Variants in RHOBTB2 observed in about 807,000 individuals in gnomAD.
RHOBTB2 encodes the protein Rho related BTB domain containing 2.
RHOBTB2 carries 39 observed loss-of-function variants against 66.5 expected under a neutral mutation model. The ratio of observed to expected loss-of-function variants is 0.59; its 90% CI spans 0.45 to 0.77. The LOEUF (loss-of-function observed/expected upper bound fraction) is 0.77, where lower values mean the gene tolerates loss of function less well. RHOBTB2 is among the 30% of genes least tolerant of loss of function. The probability of loss-of-function intolerance (pLI) is 0.00; values close to 1 mark genes in which losing one functional copy is unlikely to be tolerated. For synonymous variants in RHOBTB2, 390 were observed against 395.0 expected (o/e 0.99, Z 0.15); for missense variants, 755 against 999.1 (o/e 0.76, Z 3.29).
At chr8:22,975,800 CCTTCCCTCCCTCCT>C in the RHOBTB2 span, among the ~76,000 whole-genome samples, 1 of 152,016 alleles carries the variant, frequency 6.6e-6, no homozygotes, top group Admixed American at 6.6e-5. Context: ...CTGGGTGGCC[CCTTCCCTCCCTCCT>C]CTTCCCTCCC....
chr8:22,969,942 G>A, the RHOBTB2 span, among the ~76,000 whole-genome samples: 1 of 152,066 alleles, frequency 6.6e-6, no homozygotes, highest in African/African-American at 2.4e-5. Context: ...TGTAGAGATG[G>A]GGTTTCCACA....
chr8:23,008,054 C>G lies in RHOBTB2; in HGVS notation c.1563C>G (p.Ser521Arg). 6.2e-7 allele frequency: 1 copy of G among 1,613,664 alleles called. No individual in the cohort carries two copies. The highest frequency in any genetic ancestry group is 8.5e-7 in the Non-Finnish European group (1 of 1,179,898). The change falls in exon 6 of 10, where the codon AGC (serine) becomes AGG (arginine). Residue 521 changes from serine to arginine, a missense_variant. This residue lies in a region of RHOBTB2 where 353 missense variants were observed against 458.2 expected (regional missense o/e 0.77). Coordinates refer to ENST00000251822, the MANE Select transcript of RHOBTB2 (RefSeq NM_015178.3). ...CCCACAAGCCCCTGTTGATTTCCAG[C>G]TGTGACTGGATGGCTGCCATGTTTG... Reference protein sequence around the residue: ...ISAHKPLLISSCDWMAAMFGG... With the variant: ...ISAHKPLLISRCDWMAAMFGG...
At chr8:22,979,550 T>G in the RHOBTB2 span, among the ~76,000 whole-genome samples, 1 of 152,110 alleles carries the variant, frequency 6.6e-6, no homozygotes, top group Non-Finnish European at 1.5e-5. Context: ...ACATCCCCTC[T>G]TGGAGGACAG....
At position 23,005,985 on chromosome 8, in the gene RHOBTB2, T is replaced by C; in HGVS notation, c.322T>C (p.Ser108Pro). 4 of 1,613,424 alleles carry C rather than the reference T, an allele frequency of 2.5e-6. No homozygotes were observed. The highest frequency in any genetic ancestry group is 2.5e-6 in the Non-Finnish European group (3 of 1,179,430). The change falls in exon 4 of 10, where the codon TCC becomes CCC. Residue 108 changes from serine to proline, a missense_variant. By Grantham distance (74) the Ser-to-Pro change is moderately conservative. Around this residue, in one of 7 missense-constraint regions of RHOBTB2, gnomAD observed 65 missense variants for 152.4 expected, o/e 0.43. Coordinates refer to ENST00000251822, the MANE Select transcript of RHOBTB2 (RefSeq NM_015178.3). ...GRSDVVVLCF[S>P]IANPNSLHHV... The stretch of plus-strand genomic sequence containing the variant: ...ATCTGATGTGGTGGTTCTGTGCTTC[T>C]CCATTGCCAACCCCAATTCCCTCCA...
intron 9 of RHOBTB2, among the ~76,000 whole-genome samples, chr8:23,016,875 C>T (rs1054725658): frequency 6.6e-6 from 1 of 152,220 alleles, no homozygotes; most frequent in African/African-American, 2.4e-5. Flanking sequence ...CGTATTCCCC[C>T]TCGGAACCTT....
the RHOBTB2 span, among the ~76,000 whole-genome samples, chr8:22,954,837 A>G: frequency 2.0e-5 from 3 of 152,246 alleles, no homozygotes; most frequent in Admixed American, 2.0e-4. Flanking sequence ...TCTTTCGTCA[A>G]GATGCCCCAG....
Position 23,004,004 on chromosome 8 carries a change from G to A in RHOBTB2, c.-10-421G>A. The A allele has an allele frequency of 3.7e-6, 1 of 272,928 alleles. No homozygotes were observed. Among genetic ancestry groups the A allele is most frequent in the Non-Finnish European group, 7.2e-6 (1 of 138,306 alleles). The allele number at this position is 272,928 out of a possible 1,614,324, so 16.9% of individuals were successfully genotyped here. A position where few individuals can be genotyped will look rare whatever the true frequency, so the allele number is the denominator to read the frequency against. On this transcript the variant is annotated intron_variant, in intron 1 of 9. Transcript: ENST00000251822. The surrounding 1 kb of genome is among the most constrained non-coding windows in gnomAD (Gnocchi z 6.4). ...CATGCTGGGAAGGGGTGGGGACGTG[G>A]CCGACTCTGCTTCTCTCAGCTGTTT...
At chr8:22,986,936 G>C (rs12678599), upstream of RHOBTB2, among the ~76,000 whole-genome samples, 1 of 152,210 alleles carries the variant, frequency 6.6e-6, no homozygotes, top group African/African-American at 2.4e-5. Context: ...GCAGAAGTAG[G>C]AGCAAAGCCT....
intron 3 of RHOBTB2, 30 bp downstream of exon 3, chr8:23,005,505 A>G (rs758089965): frequency 7.2e-7 from 1 of 1,395,944 alleles, no homozygotes; most frequent in Non-Finnish European, 1.0e-6. Context: ...GCCTGCAGAG[A>G]ACCAACAGGG....
chr8:23,006,399 C>A lies in RHOBTB2; in HGVS notation c.482+254C>A. ...GAGGTGATATTTGCATGAAAAAGTC[C>A]TATAATTTTGCTGAGGGATAAACTA... On this transcript the variant is annotated intron_variant, in intron 4 of 9. Transcript: ENST00000251822. The surrounding 1 kb of genome is among the most constrained non-coding windows in gnomAD (Gnocchi z 6.1). 2 of 553,504 alleles carry A rather than the reference C, an allele frequency of 3.6e-6. No homozygotes were observed. The highest frequency in any genetic ancestry group is 6.4e-6 in the Non-Finnish European group (2 of 312,572). The allele number at this position is 553,504 out of a possible 1,614,324, so 34.3% of individuals were successfully genotyped here. A position where few individuals can be genotyped will look rare whatever the true frequency, so the allele number is the denominator to read the frequency against.
rs74379865 is a variant in RHOBTB2, at chr8:23,005,122, G to C, written c.193-250G>C. 2.4e-3 allele frequency among the ~76,000 whole-genome samples: 371 copies of C among 152,158 alleles called. 3 individuals are homozygous for C. Among genetic ancestry groups the C allele is most frequent in the Non-Finnish European group, 3.8e-3 (259 of 67,944 alleles). On this transcript the variant is annotated intron_variant, in intron 2 of 9. Coordinates refer to ENST00000251822, the MANE Select transcript of RHOBTB2 (RefSeq NM_015178.3). Reference sequence around the variant, plus strand: ...CCTTAGGGTCTCTGCTACCCTCTTAGTGTCTCTTCCACCTGCTTAGGGTCT... The same window carrying C: ...CCTTAGGGTCTCTGCTACCCTCTTACTGTCTCTTCCACCTGCTTAGGGTCT...
rs1345500318 is a variant in RHOBTB2, at chr8:23,007,096, A to G, written c.851A>G (p.Tyr284Cys). 2 of 1,610,556 alleles carry G rather than the reference A, an allele frequency of 1.2e-6. No individual in the cohort carries two copies. The highest frequency in any genetic ancestry group is 8.5e-7 in the Non-Finnish European group (1 of 1,179,794). The change falls in exon 5 of 10, where the codon TAC (tyrosine) becomes TGC (cysteine). Residue 284 changes from tyrosine (Y) to cysteine (C), a missense_variant. Transcript: ENST00000251822. The part of the protein sequence containing the change: ...ERVRIFAHKI[Y>C]LSTSSSKFYD... ...GTGCGCATCTTTGCCCACAAGATCT[A>G]CCTCTCCACCTCTTCCTCCAAGTTC...
upstream of RHOBTB2, among the ~76,000 whole-genome samples, chr8:22,996,569 CTGTG>C (rs1195557384): frequency 2.8e-4 from 15 of 54,268 alleles, no homozygotes; most frequent in African/African-American, 1.2e-3. Context: ...GTGTGTGTGT[CTGTG>C]TGTCTGTGTA....
chr8:22,974,941 T>G, the RHOBTB2 span, among the ~76,000 whole-genome samples: 1 of 152,208 alleles, frequency 6.6e-6, no homozygotes, highest in African/African-American at 2.4e-5. Flanking sequence ...CCTCTTCATC[T>G]GGGGTTATCT....
At chr8:22,993,801 T>C (rs1438391173) in intron 2 of RHOBTB2, among the ~76,000 whole-genome samples, 1 of 152,238 alleles carries the variant, frequency 6.6e-6, no homozygotes, top group East Asian at 1.9e-4. Context: ...GCTGTCTGCC[T>C]GGCATCTCTA....
rs1585186080 is a variant in RHOBTB2 at position 23,000,079 on chromosome 8, A to G, written c.-37A>G. ...CAGGAAGAGATGTGTTCCTCACGCT[A>G]GAAGCCACCCCGTCACATGTAGTGG... On this transcript the variant is annotated 5_prime_UTR_variant, in exon 1 of 10. An upstream open reading frame in the 5' UTR loses its in-frame stop. Coordinates refer to ENST00000251822, the MANE Select transcript of RHOBTB2 (RefSeq NM_015178.3). The G allele has an allele frequency of 1.0e-6, 1 of 985,474 alleles. No homozygotes were observed. Among genetic ancestry groups the G allele is most frequent in the Middle Eastern group, 5.2e-4 (1 of 1,914 alleles). The allele number at this position is 985,474 out of a possible 1,614,324, so 61.0% of individuals were successfully genotyped here.
the RHOBTB2 span, among the ~76,000 whole-genome samples, chr8:22,953,904 A>C: frequency 6.6e-6 from 1 of 152,248 alleles, no homozygotes; most frequent in African/African-American, 2.4e-5. Flanking sequence ...CAGATGTACA[A>C]GGCTGCCTTT....
At chr8:22,986,433 A>AT (rs1810290689), upstream of RHOBTB2, among the ~76,000 whole-genome samples, 1 of 151,450 alleles carries the variant, frequency 6.6e-6, no homozygotes, top group African/African-American at 2.4e-5. Flanking sequence ...TGCCTGGCTA[A>AT]TTTTTTGTAG....
In RHOBTB2 at chr8:23,004,482, G is replaced by A. The variant is rs1420891353; in HGVS notation, c.48G>A (p.Lys16=). Residue 16 remains lysine (K), a synonymous_variant, in exon 2 of 10, where the codon AAG becomes AAA. Transcript: ENST00000251822. The surrounding 1 kb of genome is among the most constrained non-coding windows in gnomAD (Gnocchi z 6.4). ...DYERPNVETI[K]CVVVGDNAVG... is the part of the protein sequence containing the mutation. ...AAAGGCCAAACGTAGAGACCATCAA[G>A]TGCGTTGTGGTGGGGGACAACGCCG... 1.2e-6 allele frequency: 2 copies of A among 1,614,104 alleles called. No homozygotes were observed. Among genetic ancestry groups the A allele is most frequent in the Admixed American group, 1.7e-5 (1 of 60,012 alleles).
Sources: gnomAD v4.1 joint callset for allele counts (sites outside exome capture counted in the v4.1 genomes callset) on GRCh38, gnomAD v4.1.1 for gene constraint, gnomAD v4.1.1 regional missense constraint, Gnocchi (gnomAD v3.1) non-coding constraint, MANE v1.5 for transcripts, NCBI Gene and HGNC (gene_info 2026-07-23, HGNC 2026-07-21) for gene names.